Variants in PIKFYVE observed in about 807,000 individuals in gnomAD.
The protein encoded by PIKFYVE is 1-phosphatidylinositol 3-phosphate 5-kinase.
A neutral mutation model predicts 257.9 loss-of-function variants in PIKFYVE; 122 were observed. That is an observed-to-expected ratio of 0.47 (90% CI 0.41 to 0.55). PIKFYVE has a LOEUF of 0.55. Among genes scored for constraint, PIKFYVE ranks in the 20% least tolerant of loss-of-function variants. The pLI is 0.00. For synonymous variants in PIKFYVE, 892 were observed against 868.9 expected (o/e 1.03, Z -0.47); for missense variants, 2,160 against 2,536.6 (o/e 0.85, Z 3.19).
chr2:208,347,072 A>AT (rs766427852), intron 34 of PIKFYVE, among the ~76,000 whole-genome samples: 8 of 152,162 alleles, frequency 5.3e-5, no homozygotes, highest in Non-Finnish European at 2.9e-5. Flanking sequence ...CTGGTGCTGT[A>AT]CACATAGTTA....
chr2:208,309,145 CT>C (rs553887895), intron 12 of PIKFYVE, among the ~76,000 whole-genome samples: 1,529 of 148,400 alleles, frequency 0.01, 10 homozygotes, highest in Non-Finnish European at 0.016. Context: ...GAGTTGTTCA[CT>C]TTTTTTTTTG....
intron 6 of PIKFYVE, 115 bp downstream of exon 6, chr2:208,286,048 T>C (rs568678117): frequency 9.4e-7 from 1 of 1,068,210 alleles, no homozygotes; most frequent in East Asian, 2.6e-5. Context: ...GTCAGTTCAC[T>C]GTGTTCTCCT....
At chr2:208,337,903 A>T (rs1165097550) in intron 28 of PIKFYVE, among the ~76,000 whole-genome samples, 3 of 151,938 alleles carry the variant, frequency 2.0e-5, no homozygotes, top group Non-Finnish European at 4.4e-5. Context: ...TTGTATTTTT[A>T]GTAGAGATGG....
chr2:208,267,268 ACT>A (rs1168915457), intron 1 of PIKFYVE, among the ~76,000 whole-genome samples: 2 of 151,750 alleles, frequency 1.3e-5, no homozygotes, highest in Admixed American at 6.6e-5. Flanking sequence ...CAAAACTCCC[ACT>A]CTGTCAGTTT....
At position 208,356,989 on chromosome 2, in the gene PIKFYVE, T is replaced by C. The variant is rs564128475; in HGVS notation, c.*1684T>C. 2.2e-4 allele frequency: 34 copies of C among 152,620 alleles called. No homozygotes were observed. Among genetic ancestry groups the C allele is most frequent in the African/African-American group, 7.9e-4 (33 of 41,566 alleles). The allele number at this position is 152,620 out of a possible 1,614,324, so 9.5% of individuals were successfully genotyped here. On this transcript the variant is annotated 3_prime_UTR_variant, in exon 42 of 42. Transcript: ENST00000264380. Reference sequence around the variant, plus strand: ...GCTTTAGAGAATCAAGGCAGTAGTTTGGTATTTGGTGCTTATTAAAAATGT... The same window carrying C: ...GCTTTAGAGAATCAAGGCAGTAGTTCGGTATTTGGTGCTTATTAAAAATGT...
chr2:208,335,239 G>A lies in PIKFYVE; in HGVS notation c.4143-67G>A, dbSNP rs2885787. The stretch of plus-strand genomic sequence containing the variant: ...CTCATAGAATATAGTTGAACATCAT[G>A]ATACAGCTCTATTCAAGATATTAAG... On this transcript the variant is annotated intron_variant, in intron 24 of 41. Transcript: ENST00000264380. 1.2e-4 allele frequency: 123 copies of A among 1,056,152 alleles called. No homozygotes were observed. The African/African-American group carries it at 1.8e-3, about 16-fold the overall frequency. 65.4% of individuals were successfully genotyped at this position (1,056,152 alleles called of 1,614,324 possible). A position where few individuals can be genotyped will look rare whatever the true frequency, so the allele number is the denominator to read the frequency against.
intron 1 of PIKFYVE, among the ~76,000 whole-genome samples, chr2:208,267,502 G>GTTTTTTTT (rs376773052): frequency 1.3e-4 from 14 of 109,124 alleles, no homozygotes; most frequent in African/African-American, 3.0e-4. Context: ...TACATTGCCA[G>GTTTTTTTT]TTTTTTTTTT....
chr2:208,269,506 T>C (rs1301728254), intron 1 of PIKFYVE: 2 of 262,218 alleles, frequency 7.6e-6, no homozygotes, highest in Non-Finnish European at 1.6e-5. Flanking sequence ...GACTAACACA[T>C]GAAGCCCCTC....
intron 32 of PIKFYVE, among the ~76,000 whole-genome samples, chr2:208,344,878 A>G (rs1326560174): frequency 1.3e-5 from 2 of 152,086 alleles, no homozygotes; most frequent in African/African-American, 4.8e-5. Context: ...TGTTGAGGGT[A>G]TTGATACTGG....
chr2:208,277,459 C>A, intron 4 of PIKFYVE, 78 bp from the exon 5 acceptor site: 1 of 1,490,028 alleles, frequency 6.7e-7, no homozygotes, highest in Non-Finnish European at 9.3e-7. Context: ...GCAAAAGAAA[C>A]CTTTGAGGAT....
At chr2:208,306,771 C>A (rs1694363970) in intron 12 of PIKFYVE, among the ~76,000 whole-genome samples, 1 of 96,620 alleles carries the variant, frequency 1.0e-5, no homozygotes, top group Non-Finnish European at 2.0e-5. Context: ...TCCCTGATTT[C>A]AATCCTTTTT....
rs184077306 is a variant in PIKFYVE, at chr2:208,313,082, T to C, written c.1696+787T>C. Among the ~76,000 whole-genome samples the C allele has an allele frequency of 2.0e-5, 3 of 152,346 alleles. No homozygotes were observed. The East Asian group carries it at 5.8e-4, about 29-fold the overall frequency. On this transcript the variant is annotated intron_variant, in intron 13 of 41. Coordinates refer to ENST00000264380, the MANE Select transcript of PIKFYVE (RefSeq NM_015040.4). Reference sequence around the variant, plus strand: ...TTGTACTTCACATGTCATGGACATATACTTTACTGTGTAATCTGCTGGGCT... The same window carrying C: ...TTGTACTTCACATGTCATGGACATACACTTTACTGTGTAATCTGCTGGGCT...
At chr2:208,312,323 A>G (rs765578175) in intron 13 of PIKFYVE, 28 bp downstream of exon 13, 1 of 1,552,152 alleles carries the variant, frequency 6.4e-7, no homozygotes, top group Admixed American at 1.7e-5. Flanking sequence ...TGTATGTGGA[A>G]TGGTGTCTCT....
At chr2:208,314,533 AGAAAGTAAAAAAATACTAAGGTTACTTAG>A in intron 14 of PIKFYVE, 110 bp downstream of exon 14, 1 of 1,249,674 alleles carries the variant, frequency 8.0e-7, no homozygotes, top group Non-Finnish European at 1.1e-6. Flanking sequence ...CTTTTTCCTT[AGAAAGTAAAAAAATACTAAGGTTACTTAG>A]GAAATACAGT....
chr2:208,330,036 T>C, intron 22 of PIKFYVE, 123 bp downstream of exon 22: 1 of 1,258,524 alleles, frequency 7.9e-7, no homozygotes, highest in Non-Finnish European at 1.1e-6. Flanking sequence ...TCATAGTGCA[T>C]ATCAGAGTAT....
chr2:208,322,133 A>G (rs914725018), intron 17 of PIKFYVE, among the ~76,000 whole-genome samples: 1 of 152,092 alleles, frequency 6.6e-6, no homozygotes, highest in Non-Finnish European at 1.5e-5. Flanking sequence ...TTGTGATTAC[A>G]CTTTTGGAGC....
intron 20 of PIKFYVE, among the ~76,000 whole-genome samples, chr2:208,327,125 T>C (rs1468866957): frequency 6.6e-6 from 1 of 152,128 alleles, no homozygotes; most frequent in African/African-American, 2.4e-5. Context: ...TAAATAATAG[T>C]GGTGCTAAAT....
intron 28 of PIKFYVE, among the ~76,000 whole-genome samples, chr2:208,337,885 G>A (rs557682303): frequency 6.2e-4 from 95 of 152,040 alleles, no homozygotes; most frequent in Non-Finnish European, 1.1e-3. Context: ...CCACACCCAG[G>A]TAATTTTTTG....
intron 22 of PIKFYVE, among the ~76,000 whole-genome samples, 168 bp downstream of exon 22, chr2:208,330,081 A>T (rs868131225): frequency 4.6e-5 from 7 of 152,196 alleles, no homozygotes; most frequent in African/African-American, 1.7e-4. Context: ...TTTCATATTT[A>T]AACTGAGATC....
Sources: gnomAD v4.1 joint callset for allele counts (sites outside exome capture counted in the v4.1 genomes callset) on GRCh38, gnomAD v4.1.1 for gene constraint, MANE v1.5 for transcripts, NCBI Gene and HGNC (gene_info 2026-07-23, HGNC 2026-07-21) for gene names.